The following CTNNA3 variants were observed in gnomAD, a reference collection of about 807,000 sequenced individuals.
CTNNA3 encodes the protein catenin alpha 3, also known as catenin alpha-3.
CTNNA3 carries 76 observed loss-of-function variants against 95.7 expected under a neutral mutation model. The observed-to-expected ratio is 0.79, with a 90% CI of 0.66 to 0.96. The LOEUF (loss-of-function observed/expected upper bound fraction) is 0.96, where lower values mean the gene tolerates loss of function less well. Ranked by LOEUF, CTNNA3 falls within the 40% of genes least tolerant of loss-of-function variation. The pLI, the probability that CTNNA3 is intolerant of heterozygous loss-of-function variation, is 0.00. For synonymous variants in CTNNA3, 431 were observed against 374.4 expected (o/e 1.15, Z -1.74); for missense variants, 1,191 against 1,089.8 (o/e 1.09, Z -1.31).
chr10:66,736,830 G>C (rs1254728040), intron 9 of CTNNA3, among the ~76,000 whole-genome samples: 1 of 151,980 alleles, frequency 6.6e-6, no homozygotes, highest in Non-Finnish European at 1.5e-5. Context: ...AATAGATTTA[G>C]GTTGCTTATA....
chr10:67,063,392 A>T (rs1017443511), intron 7 of CTNNA3, among the ~76,000 whole-genome samples: 2 of 152,222 alleles, frequency 1.3e-5, no homozygotes, highest in Non-Finnish European at 2.9e-5. Flanking sequence ...ATATGCCTTT[A>T]AAAAGTTAGG....
intron 1 of CTNNA3, among the ~76,000 whole-genome samples, chr10:67,708,544 A>G (rs1841090365): frequency 6.6e-6 from 1 of 152,184 alleles, no homozygotes. Flanking sequence ...GGGCTTTATT[A>G]TACCACTTCT....
chr10:66,962,443 C>A (rs75504880), intron 7 of CTNNA3, among the ~76,000 whole-genome samples: 2,218 of 150,880 alleles, frequency 0.015, 65 homozygotes, highest in African/African-American at 0.05. Flanking sequence ...CAGAGTCTCA[C>A]TCTGTCGCTA....
intron 11 of CTNNA3, among the ~76,000 whole-genome samples, chr10:66,449,998 T>C (rs1227491750): frequency 7.2e-6 from 1 of 138,700 alleles, no homozygotes; most frequent in Non-Finnish European, 1.5e-5. Context: ...GAGATCTTAG[T>C]CTAAGTTCAT....
chr10:66,724,876 C>T (rs1848733614), intron 9 of CTNNA3, among the ~76,000 whole-genome samples: 1 of 152,104 alleles, frequency 6.6e-6, no homozygotes, highest in Non-Finnish European at 1.5e-5. Context: ...GAGCACTGTT[C>T]TCAGTATTGT....
chr10:67,527,478 C>T (rs1274278404), intron 4 of CTNNA3, among the ~76,000 whole-genome samples: 1 of 152,188 alleles, frequency 6.6e-6, no homozygotes. Flanking sequence ...CAATAGCCAA[C>T]ATCATAGACA....
chr10:67,117,823 G>A (rs1024271943), intron 7 of CTNNA3, among the ~76,000 whole-genome samples: 5 of 151,914 alleles, frequency 3.3e-5, no homozygotes, highest in Admixed American at 6.6e-5. Context: ...GGTGCCTCAG[G>A]GATCAGTGCT....
At chr10:67,043,904 T>C (rs149927031) in intron 7 of CTNNA3, among the ~76,000 whole-genome samples, 195 of 146,160 alleles carry the variant, frequency 1.3e-3, no homozygotes, top group African/African-American at 4.6e-3. Context: ...ATTGGAGAAT[T>C]TTAATGCAAA....
At position 66,989,825 on chromosome 10, in the gene CTNNA3, T is replaced by C. The variant is rs922253485; in HGVS notation, c.1047+190492A>G. 9.2e-5 allele frequency among the ~76,000 whole-genome samples: 14 copies of C among 152,148 alleles called. 1 individual carries two copies. The East Asian group carries it at 1.9e-3, about 21-fold the overall frequency. ...CATCCAGGAAACAGACTTGAGTGCT[T>C]TTATTATCCACTAGAGTAGATCTCA... On this transcript the variant is annotated intron_variant, in intron 7 of 17. Coordinates refer to ENST00000433211, the MANE Select transcript of CTNNA3 (RefSeq NM_013266.4).
chr10:66,483,990 G>A (rs1839636463), intron 11 of CTNNA3, among the ~76,000 whole-genome samples: 1 of 151,988 alleles, frequency 6.6e-6, no homozygotes, highest in Admixed American at 6.5e-5. Flanking sequence ...TTTATTAAAT[G>A]ATGAAAAAGG....
At chr10:66,136,686 C>T (rs1269033832) in intron 13 of CTNNA3, among the ~76,000 whole-genome samples, 1 of 148,078 alleles carries the variant, frequency 6.8e-6, no homozygotes, top group Non-Finnish European at 1.5e-5. Flanking sequence ...ATTAATGTGA[C>T]ATCACTGAAA....
chr10:67,391,651 A>C (rs866028042), intron 5 of CTNNA3, among the ~76,000 whole-genome samples: 72 of 150,374 alleles, frequency 4.8e-4, no homozygotes, highest in African/African-American at 1.4e-3. Context: ...CTGACTTCAA[A>C]CTATACTACA....
intron 17 of CTNNA3, among the ~76,000 whole-genome samples, chr10:65,957,799 C>T (rs2077763476): frequency 6.6e-6 from 1 of 152,180 alleles, no homozygotes; most frequent in Non-Finnish European, 1.5e-5. Flanking sequence ...CCCGACCTTT[C>T]TCTCTGGTTG....
chr10:66,457,363 G>T (rs58361112), intron 11 of CTNNA3, among the ~76,000 whole-genome samples: 1 of 151,774 alleles, frequency 6.6e-6, no homozygotes, highest in East Asian at 1.9e-4. Flanking sequence ...TCAATAAAAA[G>T]AAAACAAACA....
chr10:66,246,327 G>A (rs1450720570), intron 13 of CTNNA3, among the ~76,000 whole-genome samples: 2 of 152,114 alleles, frequency 1.3e-5, no homozygotes, highest in East Asian at 3.9e-4. Flanking sequence ...CAGGGTTGGG[G>A]GGTGGGGCTC....
At chr10:67,347,736 C>A (rs1403931419) in intron 5 of CTNNA3, among the ~76,000 whole-genome samples, 1 of 147,688 alleles carries the variant, frequency 6.8e-6, no homozygotes, top group East Asian at 2.0e-4. Context: ...CCAGAAAAAT[C>A]TGGTTTTTTT....
At chr10:66,789,167 TTTG>T in intron 7 of CTNNA3, among the ~76,000 whole-genome samples, 1 of 151,996 alleles carries the variant, frequency 6.6e-6, no homozygotes, top group South Asian at 2.1e-4. Flanking sequence ...AAACCTTTTT[TTTG>T]TTTATTTGTT....
At chr10:66,021,455 T>C (rs2079205644) in intron 15 of CTNNA3, among the ~76,000 whole-genome samples, 1 of 149,136 alleles carries the variant, frequency 6.7e-6, no homozygotes, top group African/African-American at 2.5e-5. Flanking sequence ...TCGGTACTTA[T>C]AATAATACTT....
chr10:67,388,812 G>A (rs897138534), intron 5 of CTNNA3, among the ~76,000 whole-genome samples: 1 of 151,960 alleles, frequency 6.6e-6, no homozygotes, highest in Non-Finnish European at 1.5e-5. Flanking sequence ...GCCAAACTAA[G>A]CTTCATAAGT....
Sources: gnomAD v4.1 joint callset for allele counts (sites outside exome capture counted in the v4.1 genomes callset) on GRCh38, gnomAD v4.1.1 for gene constraint, MANE v1.5 for transcripts, NCBI Gene and HGNC (gene_info 2026-07-23, HGNC 2026-07-21) for gene names.